CDH4: variants seen among roughly 807,000 people sequenced by gnomAD.
CDH4 encodes cadherin-4.
A neutral mutation model predicts 86.0 loss-of-function variants in CDH4; 33 were observed. The observed-to-expected ratio is 0.38, with a 90% CI of 0.29 to 0.51. CDH4 has a LOEUF of 0.51. Among genes scored for constraint, CDH4 ranks in the 20% least tolerant of loss-of-function variants. The pLI, the probability that CDH4 is intolerant of heterozygous loss-of-function variation, is 0.86. For missense variants in CDH4, 1,114 were observed against 1,307.4 expected (o/e 0.85, Z 2.28); for synonymous variants, 555 against 549.4 (o/e 1.01, Z -0.14).
chr20:61,818,665 G>A (rs944710186), intron 4 of CDH4, among the ~76,000 whole-genome samples: 2 of 146,124 alleles, frequency 1.4e-5, no homozygotes, highest in Admixed American at 1.4e-4. Context: ...GCAATAGAAC[G>A]AAGTCTCTTA....
At chr20:61,776,769 G>A (rs2088847470) in intron 4 of CDH4, among the ~76,000 whole-genome samples, 1 of 152,226 alleles carries the variant, frequency 6.6e-6, no homozygotes, top group Non-Finnish European at 1.5e-5. Context: ...CCCAGGATGA[G>A]CGTCTCGGGA....
At chr20:61,822,191 A>G (rs1981078342) in intron 4 of CDH4, among the ~76,000 whole-genome samples, 2 of 152,242 alleles carry the variant, frequency 1.3e-5, no homozygotes, top group African/African-American at 4.8e-5. Flanking sequence ...TTATGTGTTC[A>G]TTACGTGAGT....
At chr20:61,927,904 G>A (rs186921099) in intron 11 of CDH4, among the ~76,000 whole-genome samples, 54 of 152,220 alleles carry the variant, frequency 3.5e-4, no homozygotes, top group African/African-American at 1.3e-3. Context: ...GCAGCTGCGG[G>A]TGTGGGTGTG....
At chr20:61,929,062 G>A (rs1424169245) in intron 12 of CDH4, among the ~76,000 whole-genome samples, 1 of 151,766 alleles carries the variant, frequency 6.6e-6, no homozygotes, top group Non-Finnish European at 1.5e-5. Flanking sequence ...TCTTTGGGGA[G>A]TTTCTTTTTA....
At chr20:61,271,824 C>T (rs769390028) in intron 2 of CDH4, among the ~76,000 whole-genome samples, 2 of 152,176 alleles carry the variant, frequency 1.3e-5, no homozygotes, top group Non-Finnish European at 2.9e-5. Context: ...AACGAGGTGT[C>T]GCTGAGCTCT....
At chr20:61,521,429 T>C (rs1235454372) in intron 2 of CDH4, among the ~76,000 whole-genome samples, 1 of 152,184 alleles carries the variant, frequency 6.6e-6, no homozygotes, top group South Asian at 2.1e-4. Flanking sequence ...GTCAGCCCTG[T>C]CTCTCTTTTG....
intron 6 of CDH4, among the ~76,000 whole-genome samples, chr20:61,865,977 G>A (rs990405409): frequency 3.9e-5 from 6 of 152,148 alleles, no homozygotes; most frequent in African/African-American, 7.2e-5. Flanking sequence ...GTCATTGCTC[G>A]TGTTTATATT....
At chr20:61,894,421 A>G (rs1278425105) in intron 7 of CDH4, among the ~76,000 whole-genome samples, 2 of 152,198 alleles carry the variant, frequency 1.3e-5, no homozygotes, top group South Asian at 4.1e-4. Context: ...CAGAGAAGGG[A>G]AAGGGTTTGT....
chr20:61,605,740 A>G (rs1478836811), intron 2 of CDH4, among the ~76,000 whole-genome samples: 1 of 152,158 alleles, frequency 6.6e-6, no homozygotes, highest in Non-Finnish European at 1.5e-5. Flanking sequence ...TCCATGAAAC[A>G]GTAAGCAGAT....
chr20:61,565,311 T>TA (rs2086280623), intron 2 of CDH4, among the ~76,000 whole-genome samples: 2 of 117,076 alleles, frequency 1.7e-5, no homozygotes, highest in Admixed American at 1.7e-4. Context: ...GTGCTCTTGG[T>TA]GGTGGCGGTG....
At chr20:61,292,223 G>A (rs2084326032) in intron 2 of CDH4, among the ~76,000 whole-genome samples, 1 of 152,150 alleles carries the variant, frequency 6.6e-6, no homozygotes, top group African/African-American at 2.4e-5. Context: ...GCAAAGACAT[G>A]GAATCAGCCG....
At chr20:61,309,264 C>A (rs2123219533) in intron 2 of CDH4, among the ~76,000 whole-genome samples, 1 of 152,266 alleles carries the variant, frequency 6.6e-6, no homozygotes, top group Non-Finnish European at 1.5e-5. Context: ...GCAGCAGGAG[C>A]TTGTGTGCAG....
chr20:61,905,182 T>C (rs2054775630), intron 8 of CDH4, among the ~76,000 whole-genome samples: 1 of 152,202 alleles, frequency 6.6e-6, no homozygotes, highest in South Asian at 2.1e-4. Context: ...GAGGCTTTCC[T>C]TGTGTCGGAA....
At chr20:61,934,323 C>G (rs1006951468) in intron 15 of CDH4, 103 bp downstream of exon 15, 10 of 1,306,454 alleles carry the variant, frequency 7.7e-6, no homozygotes, top group Non-Finnish European at 7.1e-6. Flanking sequence ...CGGCGGCTGC[C>G]GTGGGTGGGA....
intron 7 of CDH4, among the ~76,000 whole-genome samples, chr20:61,886,897 C>T (rs1251691454): frequency 1.3e-5 from 2 of 152,124 alleles, no homozygotes; most frequent in African/African-American, 2.4e-5. Context: ...CTGTGGTTAA[C>T]GTGGGGCTCC....
rs149363211 is a variant in CDH4, at chr20:61,448,126, G to A, written c.169+193189G>A. ...AAAGTGGGTTGGCCCAGGCTTTGCT[G>A]GTTTGTTTCAGCCCAGCAGGTCTTT... On this transcript the variant is annotated intron_variant, in intron 2 of 15. Transcript: ENST00000614565. Among the ~76,000 whole-genome samples, 6 of 152,318 alleles carry A rather than the reference G, an allele frequency of 3.9e-5. No individual in the cohort carries two copies. The East Asian group carries it at 1.2e-3, about 29-fold the overall frequency.
intron 2 of CDH4, among the ~76,000 whole-genome samples, chr20:61,527,862 G>C (rs964873700): frequency 4.6e-5 from 7 of 152,028 alleles, no homozygotes; most frequent in Admixed American, 2.6e-4. Context: ...AGCAGCACTG[G>C]GCAGGAGAGC....
chr20:61,329,175 G>T (rs548461776), intron 2 of CDH4, among the ~76,000 whole-genome samples: 43 of 152,326 alleles, frequency 2.8e-4, no homozygotes, highest in Admixed American at 1.2e-3. Context: ...CCATCATAAA[G>T]TCAAAAAATT....
chr20:61,703,152 C>A lies in CDH4; in HGVS notation c.170-40411C>A, dbSNP rs1356692291. 6.6e-6 allele frequency among the ~76,000 whole-genome samples: 1 copy of A among 152,208 alleles called. No homozygotes were observed. Among genetic ancestry groups the A allele is most frequent in the African/African-American group, 2.4e-5 (1 of 41,446 alleles). On this transcript the variant is annotated intron_variant, in intron 2 of 15. Transcript: ENST00000614565. The surrounding 1 kb of genome is among the most constrained non-coding windows in gnomAD (Gnocchi z 4.3). ...TGTTAGAAATGCGGCAGAGACCAAG[C>A]TGTGATCAGAAGTGGGGGCTCTTGG...
Sources: gnomAD v4.1 joint callset for allele counts (sites outside exome capture counted in the v4.1 genomes callset) on GRCh38, gnomAD v4.1.1 for gene constraint, Gnocchi (gnomAD v3.1) non-coding constraint, MANE v1.5 for transcripts, NCBI Gene and HGNC (gene_info 2026-07-23, HGNC 2026-07-21) for gene names.